The following SCN2A variants were observed in gnomAD, a reference collection of about 807,000 sequenced individuals.
SCN2A encodes the protein sodium voltage-gated channel alpha subunit 2.
Under a neutral mutation model 188.7 loss-of-function variants are expected in SCN2A, and 20 were observed. That is an observed-to-expected ratio of 0.11 (90% CI 0.07 to 0.15). The LOEUF (loss-of-function observed/expected upper bound fraction) is 0.15, where lower values mean the gene tolerates loss of function less well. SCN2A is among the 10% of genes least tolerant of loss of function. The pLI is 1.00. For missense variants in SCN2A, 1,278 were observed against 2,445.0 expected, an observed-to-expected ratio of 0.52 and a Z score of 10.07; for synonymous variants, 804 against 833.1, an observed-to-expected ratio of 0.97 and a Z score of 0.60.
intron 1 of SCN2A, chr2:165,274,142 C>A (rs1031787214): frequency 6.6e-6 from 1 of 151,986 alleles, no homozygotes; most frequent in Non-Finnish European, 1.5e-5. Flanking sequence ...AATAAAATTT[C>A]TTTTTGTATA....
intron 1 of SCN2A, among the ~76,000 whole-genome samples, chr2:165,247,088 A>G (rs755644992): frequency 6.6e-6 from 1 of 152,086 alleles, no homozygotes; most frequent in Non-Finnish European, 1.5e-5. Flanking sequence ...TAAATCAACT[A>G]TCCCTGTTTC....
chr2:165,380,835 C>A, intron 24 of SCN2A, 106 bp downstream of exon 24: 2 of 953,494 alleles, frequency 2.1e-6, no homozygotes, highest in Non-Finnish European at 3.2e-6. Context: ...ATATAAAATT[C>A]AGAAATTATT....
intron 19 of SCN2A, among the ~76,000 whole-genome samples, chr2:165,369,636 G>A (rs1242960447): frequency 2.0e-5 from 3 of 151,964 alleles, no homozygotes; most frequent in African/African-American, 7.3e-5. Flanking sequence ...TCTGTCAAAG[G>A]GAATTTCCAA....
intron 25 of SCN2A, 39 bp downstream of exon 25, chr2:165,381,236 T>A (rs1278079465): frequency 2.2e-6 from 3 of 1,395,046 alleles, no homozygotes; most frequent in Non-Finnish European, 3.0e-6. Flanking sequence ...TAAAACTATA[T>A]TACCTAACCG....
chr2:165,334,051 C>T (rs1574617066), intron 14 of SCN2A, among the ~76,000 whole-genome samples: 1 of 149,410 alleles, frequency 6.7e-6, no homozygotes. Context: ...TAACAAGCGC[C>T]TGAAACTGAC....
At chr2:165,374,105 G>C (rs1397623099) in intron 21 of SCN2A, among the ~76,000 whole-genome samples, 2 of 152,064 alleles carry the variant, frequency 1.3e-5, no homozygotes, top group African/African-American at 4.8e-5. Context: ...CACAACTAGA[G>C]ATGAATGGTG....
chr2:165,246,177 C>G (rs530202396), intron 1 of SCN2A, among the ~76,000 whole-genome samples: 11 of 152,166 alleles, frequency 7.2e-5, no homozygotes, highest in Non-Finnish European at 1.6e-4. Context: ...TTTGGGTATG[C>G]ATCTTTTAAG....
rs1694449890 is a variant in SCN2A at position 165,258,914 on chromosome 2, T to G, written c.-52+19274T>G. Among the ~76,000 whole-genome samples, 3 of 152,192 alleles carry G rather than the reference T, an allele frequency of 2.0e-5. No homozygotes were observed. The South Asian group carries it at 6.2e-4, about 32-fold the overall frequency. ...CTCATGGACACAAAGAGGGGAACAA[T>G]AGGCACTGGGACCTACTTGAGGGAG... On this transcript the variant is annotated intron_variant, in intron 1 of 26. Coordinates refer to ENST00000375437, the MANE Select transcript of SCN2A (RefSeq NM_001040142.2).
intron 10 of SCN2A, among the ~76,000 whole-genome samples, chr2:165,314,714 C>G (rs1329358943): frequency 6.6e-6 from 1 of 152,212 alleles, no homozygotes; most frequent in South Asian, 2.1e-4. Context: ...ACTTGACAAG[C>G]CTTCAAAATA....
intron 19 of SCN2A, among the ~76,000 whole-genome samples, chr2:165,367,594 T>TA (rs1331758297): frequency 1.3e-5 from 2 of 152,222 alleles, no homozygotes; most frequent in African/African-American, 4.8e-5. Flanking sequence ...TATGGTTTCT[T>TA]ATAATGTTTA....
chr2:165,272,731 C>G (rs575196836), intron 1 of SCN2A: 10 of 150,692 alleles, frequency 6.6e-5, no homozygotes, highest in Admixed American at 6.0e-4. Context: ...CAACAGACTT[C>G]TAAATAATCA....
At chr2:165,298,489 A>G (rs1696625897) in intron 3 of SCN2A, among the ~76,000 whole-genome samples, 1 of 152,152 alleles carries the variant, frequency 6.6e-6, no homozygotes, top group Non-Finnish European at 1.5e-5. Context: ...GTTTAGGTGG[A>G]TATCAACATC....
chr2:165,267,464 C>G (rs1694920400), intron 1 of SCN2A: 1 of 151,822 alleles, frequency 6.6e-6, no homozygotes, highest in African/African-American at 2.4e-5. Flanking sequence ...GAAATTGGAC[C>G]CTTATCTCAC....
chr2:165,265,025 A>G (rs1330729239), intron 1 of SCN2A, among the ~76,000 whole-genome samples: 1 of 152,050 alleles, frequency 6.6e-6, no homozygotes, highest in Non-Finnish European at 1.5e-5. Context: ...TTCAGTCTTT[A>G]GTTGTTTGAG....
Position 165,389,810 on chromosome 2 carries a change from G to A in SCN2A, c.6004G>A (p.Glu2002Lys), listed in dbSNP as rs780027748. 8.7e-6 allele frequency: 14 copies of A among 1,609,782 alleles called. No individual in the cohort carries two copies. The highest frequency in any genetic ancestry group is 1.1e-5 in the Non-Finnish European group (13 of 1,177,954). ...EKEDKGKDIRESKK is the reference protein window; with the variant it reads ...EKEDKGKDIRKSKK ...GGAAGACAAAGGGAAAGATATCAGG[G>A]AAAGTAAAAAGTAAAAAGAAACCAA... Residue 2002 changes from glutamate (E) to lysine (K), a missense_variant, in exon 27 of 27, where the codon GAA becomes AAA. Glu to Lys is a moderately conservative substitution (Grantham distance 56, BLOSUM62 1). Around this residue, in one of 17 missense-constraint regions of SCN2A, gnomAD observed 109 missense variants for 137.9 expected, o/e 0.79. Transcript: ENST00000375437. The surrounding 1 kb of genome is among the most constrained non-coding windows in gnomAD (Gnocchi z 4.2).
At chr2:165,331,244 T>C in intron 13 of SCN2A, 86 bp from the exon 14 acceptor site, 1 of 1,083,822 alleles carries the variant, frequency 9.2e-7, no homozygotes, top group Non-Finnish European at 1.4e-6. Flanking sequence ...CAACTTTAGA[T>C]TTTTTAAATT....
chr2:165,382,927 A>G (rs1442421348), intron 25 of SCN2A, among the ~76,000 whole-genome samples: 1 of 152,182 alleles, frequency 6.6e-6, no homozygotes, highest in Non-Finnish European at 1.5e-5. Context: ...AAATAAATCA[A>G]TGAAGAAATG....
chr2:165,359,212 C>T (rs952917907), intron 17 of SCN2A, among the ~76,000 whole-genome samples: 7 of 151,990 alleles, frequency 4.6e-5, no homozygotes, highest in African/African-American at 1.4e-4. Flanking sequence ...ATCCAAGATG[C>T]GTAATTGTTT....
chr2:165,336,149 A>T (rs1698978818), intron 14 of SCN2A, among the ~76,000 whole-genome samples: 1 of 151,928 alleles, frequency 6.6e-6, no homozygotes, highest in Non-Finnish European at 1.5e-5. Context: ...CTTTACTTTG[A>T]GAATATAAAA....
Sources: gnomAD v4.1 joint callset for allele counts (sites outside exome capture counted in the v4.1 genomes callset) on GRCh38, gnomAD v4.1.1 for gene constraint, gnomAD v4.1.1 regional missense constraint, Gnocchi (gnomAD v3.1) non-coding constraint, MANE v1.5 for transcripts, NCBI Gene and HGNC (gene_info 2026-07-23, HGNC 2026-07-21) for gene names.